DNAJB4: variants seen among roughly 807,000 people sequenced by gnomAD.
DNAJB4 encodes dnaJ homolog subfamily B member 4.
Under a neutral mutation model 26.6 loss-of-function variants are expected in DNAJB4, and 10 were observed. The ratio of observed to expected loss-of-function variants is 0.38; its 90% CI spans 0.23 to 0.64. DNAJB4 has a LOEUF of 0.64. Ranked by LOEUF, DNAJB4 falls within the 30% of genes least tolerant of loss-of-function variation. The probability of loss-of-function intolerance (pLI) is 0.58; values close to 1 mark genes in which losing one functional copy is unlikely to be tolerated. For missense variants in DNAJB4, 328 were observed against 408.2 expected, an observed-to-expected ratio of 0.80 and a Z score of 1.69; for synonymous variants, 136 against 134.8, an observed-to-expected ratio of 1.01 and a Z score of -0.06.
intron 1 of DNAJB4, among the ~76,000 whole-genome samples, chr1:77,983,813 C>A (rs1470169912): frequency 6.6e-6 from 1 of 152,216 alleles, no homozygotes; most frequent in Non-Finnish European, 1.5e-5. Flanking sequence ...CAGTAACAAT[C>A]TGATCTCTCT....
At chr1:77,995,265 TA>T (rs777091583) in intron 1 of DNAJB4, among the ~76,000 whole-genome samples, 3 of 152,230 alleles carry the variant, frequency 2.0e-5, no homozygotes, top group Non-Finnish European at 2.9e-5. Flanking sequence ...GTTTTTACTT[TA>T]AAAAAATATG....
At chr1:78,014,823 A>ACTCTTGAAC (rs1404990311) in intron 2 of DNAJB4, among the ~76,000 whole-genome samples, 1 of 151,208 alleles carries the variant, frequency 6.6e-6, no homozygotes. Context: ...CTCGTCTTGA[A>ACTCTTGAAC]CTCTTGACCT....
chr1:78,012,761 A>G (rs1009543070), intron 1 of DNAJB4, among the ~76,000 whole-genome samples: 1 of 152,162 alleles, frequency 6.6e-6, no homozygotes, highest in African/African-American at 2.4e-5. Context: ...GTGAGCCAAG[A>G]TTGCGCCATT....
Position 78,013,598 on chromosome 1 carries a change from T to C in DNAJB4, c.759T>C (p.Thr253=), listed in dbSNP as rs2102614999. The C allele has an allele frequency of 6.3e-7, 1 of 1,588,396 alleles. No homozygotes were observed. The highest frequency in any genetic ancestry group is 8.5e-7 in the Non-Finnish European group (1 of 1,172,580). Residue 253 remains threonine (T), a synonymous_variant, in exon 2 of 3, where the codon ACT becomes ACC. Coordinates refer to ENST00000370763, the MANE Select transcript of DNAJB4 (RefSeq NM_007034.5). ...FKRDGSNIIY[T]AKISLREALC... ...GGGATGGATCAAATATAATTTATAC[T>C]GCTAAAATTAGTTTACGAGAGGTAA...
At chr1:78,015,508 T>TTTTTC (rs1244447674) in intron 2 of DNAJB4, among the ~76,000 whole-genome samples, 2 of 150,988 alleles carry the variant, frequency 1.3e-5, no homozygotes, top group Admixed American at 1.3e-4. Context: ...AATTTTCCTT[T>TTTTTC]TTTTCTTTTC....
intron 1 of DNAJB4, among the ~76,000 whole-genome samples, chr1:78,008,866 T>C (rs911800768): frequency 2.6e-5 from 4 of 152,194 alleles, no homozygotes; most frequent in Admixed American, 2.6e-4. Context: ...TTGAATAGTT[T>C]AGTGGATGTC....
intron 1 of DNAJB4, among the ~76,000 whole-genome samples, chr1:77,999,474 T>C (rs548978478): frequency 5.3e-5 from 8 of 151,478 alleles, no homozygotes; most frequent in Non-Finnish European, 1.2e-4. Flanking sequence ...AATTCAGAGA[T>C]AAAGGTCTGA....
At chr1:77,989,267 C>T (rs1032676752) in intron 1 of DNAJB4, among the ~76,000 whole-genome samples, 4 of 152,126 alleles carry the variant, frequency 2.6e-5, no homozygotes, top group African/African-American at 9.7e-5. Context: ...CAAATTTTAT[C>T]TTCTTTGAGA....
chr1:78,002,546 G>T (rs1660216830), upstream of DNAJB4, among the ~76,000 whole-genome samples: 1 of 152,086 alleles, frequency 6.6e-6, no homozygotes, highest in Non-Finnish European at 1.5e-5. Context: ...ATTTTCTAAG[G>T]ATAAATTCCA....
chr1:78,000,777 T>C (rs982437194), upstream of DNAJB4, among the ~76,000 whole-genome samples: 1 of 151,056 alleles, frequency 6.6e-6, no homozygotes, highest in Non-Finnish European at 1.5e-5. Flanking sequence ...AGGTCAAGAG[T>C]TCAAGACCAG....
rs568069153 is a variant in DNAJB4, at chr1:77,994,876, T to TA, written c.-31-10203dup. 4.7e-4 allele frequency among the ~76,000 whole-genome samples: 72 copies of TA among 152,300 alleles called. 1 individual carries two copies. In the South Asian group the frequency reaches 0.014, roughly 29 times the overall value. On this transcript the variant is annotated intron_variant, in intron 1 of 2. Coordinates refer to the DNAJB4 transcript ENST00000426517. ...ATGTAGTACTATTTTATAAGTAAAA[T>TA]AGAGTTCACCTGTTAAGACTTTATT... is the stretch of plus-strand genomic sequence containing the variant.
chr1:77,997,892 A>T (rs1482523469), intron 1 of DNAJB4, among the ~76,000 whole-genome samples: 3 of 152,058 alleles, frequency 2.0e-5, no homozygotes, highest in Non-Finnish European at 4.4e-5. Context: ...GGCCCAAATG[A>T]TCCTTTCACC....
intron 1 of DNAJB4, among the ~76,000 whole-genome samples, chr1:78,008,593 G>A (rs1660388894): frequency 6.6e-6 from 1 of 152,082 alleles, no homozygotes. Context: ...GTGGGAGCGG[G>A]GATTAGCTAC....
intron 1 of DNAJB4, among the ~76,000 whole-genome samples, chr1:77,995,324 T>C (rs901519680): frequency 5.9e-5 from 9 of 152,256 alleles, no homozygotes; most frequent in Non-Finnish European, 1.5e-5. Flanking sequence ...ATATTTCTGT[T>C]GGACAGCACT....
At chr1:77,995,161 A>G (rs1393293135) in intron 1 of DNAJB4, among the ~76,000 whole-genome samples, 2 of 152,228 alleles carry the variant, frequency 1.3e-5, no homozygotes, top group Admixed American at 6.5e-5. Flanking sequence ...AAAGTATTTC[A>G]TTGATAATTT....
Position 78,017,030 on chromosome 1 carries a change from G to A in DNAJB4, c.*783G>A, listed in dbSNP as rs1359342998. The A allele has an allele frequency of 6.6e-6, 1 of 152,024 alleles. No homozygotes were observed. The highest frequency in any genetic ancestry group is 6.6e-5 in the Admixed American group (1 of 15,254). 9.4% of individuals were successfully genotyped at this position (152,024 alleles called of 1,614,324 possible). A position where few individuals can be genotyped will look rare whatever the true frequency, so the allele number is the denominator to read the frequency against. On this transcript the variant is annotated 3_prime_UTR_variant, in exon 3 of 3. Coordinates refer to ENST00000370763, the MANE Select transcript of DNAJB4 (RefSeq NM_007034.5). ...TAAAGTAATTCGTTTAATAATAGAT[G>A]TGTTTTTAGAGGAAATGCTGTTACT...
At chr1:78,006,825 A>G (rs532269447) in intron 1 of DNAJB4, among the ~76,000 whole-genome samples, 1 of 152,340 alleles carries the variant, frequency 6.6e-6, no homozygotes, top group Non-Finnish European at 1.5e-5. Flanking sequence ...TACTATTTCT[A>G]AAGGAGTAAT....
chr1:77,982,560 T>TGCCTGTAACCCTAGCACTTTGGGAG (rs146270364), intron 1 of DNAJB4, among the ~76,000 whole-genome samples: 8 of 151,718 alleles, frequency 5.3e-5, no homozygotes, highest in Admixed American at 3.3e-4. Flanking sequence ...AGGTGCCTCA[T>TGCCTGTAACCCTAGCACTTTGGGAG]GCCGAGGCGG....
rs1278046066 is a variant in DNAJB4, at chr1:78,017,133, A to G, written c.*886A>G. 2 of 152,036 alleles carry G rather than the reference A, an allele frequency of 1.3e-5. No homozygotes were observed. The highest frequency in any genetic ancestry group is 4.8e-5 in the African/African-American group (2 of 41,454). The allele number at this position is 152,036 out of a possible 1,614,324, so 9.4% of individuals were successfully genotyped here. A position where few individuals can be genotyped will look rare whatever the true frequency, so the allele number is the denominator to read the frequency against. On this transcript the variant is annotated 3_prime_UTR_variant, in exon 3 of 3. Coordinates refer to ENST00000370763, the MANE Select transcript of DNAJB4 (RefSeq NM_007034.5). ...ATATGTACTTTATGTAATTTCCCTA[A>G]AAAGAATGAACTACCACTACACTAT...
Sources: gnomAD v4.1 joint callset for allele counts (sites outside exome capture counted in the v4.1 genomes callset) on GRCh38, gnomAD v4.1.1 for gene constraint, MANE v1.5 for transcripts, NCBI Gene and HGNC (gene_info 2026-07-23, HGNC 2026-07-21) for gene names.